Variants in RHOQ observed in about 807,000 individuals in gnomAD.
RHOQ encodes the protein ras homolog family member Q, also known as rho-related GTP-binding protein RhoQ.
RHOQ carries 7 observed loss-of-function variants against 25.8 expected under a neutral mutation model. That is an observed-to-expected ratio of 0.27 (90% CI 0.15 to 0.51). RHOQ has a LOEUF of 0.51. RHOQ is among the 20% of genes least tolerant of loss of function. The probability of loss-of-function intolerance (pLI) is 0.97; values close to 1 mark genes in which losing one functional copy is unlikely to be tolerated. For synonymous variants in RHOQ, 97 were observed against 98.6 expected (o/e 0.98, Z 0.10); for missense variants, 165 against 260.6 (o/e 0.63, Z 2.53).
At chr2:46,546,703 G>T (rs1002658894) in intron 2 of RHOQ, among the ~76,000 whole-genome samples, 1 of 151,316 alleles carries the variant, frequency 6.6e-6, no homozygotes, top group African/African-American at 2.4e-5. Context: ...AAGGTCATAG[G>T]CTGGCTTAAA....
chr2:46,560,657 C>T, intron 2 of RHOQ: 1 of 455,878 alleles, frequency 2.2e-6, no homozygotes, highest in East Asian at 7.0e-5. Flanking sequence ...TGTCCACTAG[C>T]TCCAGCATCC....
chr2:46,566,677 G>A lies in RHOQ; in HGVS notation c.202-9410G>A, dbSNP rs1306221925. The stretch of plus-strand genomic sequence containing the variant: ...TTCCATTGCAGGTGGGCCCTGCAGA[G>A]GGGTCCAAGCTGACTCCCTCTCCAG... On this transcript the variant is annotated intron_variant, in intron 2 of 4. Coordinates refer to ENST00000238738, the MANE Select transcript of RHOQ (RefSeq NM_012249.4). The surrounding 1 kb of genome is among the most constrained non-coding windows in gnomAD (Gnocchi z 4.2). 1.3e-5 allele frequency among the ~76,000 whole-genome samples: 2 copies of A among 152,126 alleles called. No individual in the cohort carries two copies. The highest frequency in any genetic ancestry group is 4.8e-5 in the African/African-American group (2 of 41,424).
At chr2:46,557,323 A>G (rs552821991) in intron 2 of RHOQ, among the ~76,000 whole-genome samples, 1 of 152,370 alleles carries the variant, frequency 6.6e-6, no homozygotes, top group African/African-American at 2.4e-5. Flanking sequence ...ATGCATAGTA[A>G]AAAGGGAGTT....
chr2:46,559,877 A>G (rs1175579672), intron 2 of RHOQ, among the ~76,000 whole-genome samples: 3 of 152,172 alleles, frequency 2.0e-5, no homozygotes, highest in Non-Finnish European at 4.4e-5. Flanking sequence ...GGCGAGTGAA[A>G]GAAGCAGAGT....
chr2:46,553,728 C>T (rs376282014), intron 2 of RHOQ, among the ~76,000 whole-genome samples: 57 of 148,080 alleles, frequency 3.8e-4, no homozygotes, highest in South Asian at 2.8e-3. Context: ...TACAGGTGCC[C>T]GCCACCATGC....
Position 46,542,591 on chromosome 2 carries a change from C to T in RHOQ, c.-456C>T, listed in dbSNP as rs1440467561. ...GCAGGCGGGGGCGCGTGGCGCGGGC[C>T]GCGCTCGGGGAGGCGCCTGGGCCCG... On this transcript the variant is annotated 5_prime_UTR_variant, in exon 1 of 5. Coordinates refer to ENST00000238738, the MANE Select transcript of RHOQ (RefSeq NM_012249.4). 1 of 146,778 alleles carries T rather than the reference C, an allele frequency of 6.8e-6. No homozygotes were observed. Among genetic ancestry groups the T allele is most frequent in the African/African-American group, 2.4e-5 (1 of 40,904 alleles). The allele number at this position is 146,778 out of a possible 1,614,324, so 9.1% of individuals were successfully genotyped here.
In RHOQ at chr2:46,543,007, G is replaced by C; in HGVS notation, c.-40G>C. 3 of 1,473,688 alleles carry C rather than the reference G, an allele frequency of 2.0e-6. No individual in the cohort carries two copies. Among genetic ancestry groups the C allele is most frequent in the Non-Finnish European group, 2.7e-6 (3 of 1,109,202 alleles). The allele number at this position is 1,473,688 out of a possible 1,614,324, so 91.3% of individuals were successfully genotyped here. On this transcript the variant is annotated 5_prime_UTR_variant, in exon 1 of 5. Transcript: ENST00000238738. ...GGCTGAGCCCGGGGCCGGGGCGGGG[G>C]CTCCGGGGGGACCATGCCCGGAGGC...
intron 2 of RHOQ, among the ~76,000 whole-genome samples, chr2:46,573,744 A>G (rs961478580): frequency 8.5e-5 from 13 of 152,380 alleles, no homozygotes; most frequent in Middle Eastern, 3.4e-3. Flanking sequence ...AAGAGCGCAC[A>G]CTTCTGTTTC....
chr2:46,567,416 CAG>C (rs1668769096), intron 2 of RHOQ, among the ~76,000 whole-genome samples: 2 of 150,150 alleles, frequency 1.3e-5, no homozygotes, highest in Middle Eastern at 6.8e-3. Context: ...TTCTTTGAGA[CAG>C]GGTGTCGTTC....
In RHOQ at chr2:46,556,773, G is replaced by T. The variant is rs1316686515; in HGVS notation, c.201+12961G>T. ...CATATAAATCATGAAATGTGAGTGA[G>T]GAGTGTTAGAAAGGTGCCCAACTAC... is the stretch of plus-strand genomic sequence containing the variant. On this transcript the variant is annotated intron_variant, in intron 2 of 4. Transcript: ENST00000238738. The surrounding 1 kb of genome is among the most constrained non-coding windows in gnomAD (Gnocchi z 4.9). Among the ~76,000 whole-genome samples, 1 of 152,142 alleles carries T rather than the reference G, an allele frequency of 6.6e-6. No individual in the cohort carries two copies. The highest frequency in any genetic ancestry group is 2.4e-5 in the African/African-American group (1 of 41,434).
Position 46,576,313 on chromosome 2 carries a change from T to C in RHOQ, c.366+62T>C. The C allele has an allele frequency of 7.2e-7, 1 of 1,389,358 alleles. No homozygotes were observed. The highest frequency in any genetic ancestry group is 1.0e-6 in the Non-Finnish European group (1 of 1,003,536). The allele number at this position is 1,389,358 out of a possible 1,614,324, so 86.1% of individuals were successfully genotyped here. A position where few individuals can be genotyped will look rare whatever the true frequency, so the allele number is the denominator to read the frequency against. ...CTCTTTGGTCTGTCGTAGAGGCTGC[T>C]CTCAGACAAACAGTCCCAAAGCTGA... On this transcript the variant is annotated intron_variant, in intron 3 of 4. Coordinates refer to ENST00000238738, the MANE Select transcript of RHOQ (RefSeq NM_012249.4). This position sits in a 1 kb window ranked among gnomAD's most constrained non-coding sequence, Gnocchi z 5.1.
intron 1 of RHOQ, 93 bp downstream of exon 1, chr2:46,543,281 G>T: frequency 2.8e-6 from 4 of 1,437,512 alleles, no homozygotes; most frequent in Non-Finnish European, 2.9e-6. Context: ...TCCCCAGAGC[G>T]CACTCCTCTC....
At position 46,559,804 on chromosome 2, in the gene RHOQ, G is replaced by A. The variant is rs1668516460; in HGVS notation, c.201+15992G>A. 7.2e-5 allele frequency among the ~76,000 whole-genome samples: 11 copies of A among 152,254 alleles called. No homozygotes were observed. In the South Asian group the frequency reaches 2.3e-3, roughly 32 times the overall value. On this transcript the variant is annotated intron_variant, in intron 2 of 4. Transcript: ENST00000238738. ...TTAGTAGGTATTGGTCTTCCCCCTTGGGCTAGTCATATAAACCAGGAAAGA... is the reference window on the plus strand; with the variant it reads ...TTAGTAGGTATTGGTCTTCCCCCTTAGGCTAGTCATATAAACCAGGAAAGA...
At position 46,576,900 on chromosome 2, in the gene RHOQ, G is replaced by A; in HGVS notation, c.462+244G>A. 2.9e-6 allele frequency: 1 copy of A among 341,864 alleles called. No homozygotes were observed. The allele number at this position is 341,864 out of a possible 1,614,324, so 21.2% of individuals were successfully genotyped here. On this transcript the variant is annotated intron_variant, in intron 4 of 4. Transcript: ENST00000238738. This position sits in a 1 kb window ranked among gnomAD's most constrained non-coding sequence, Gnocchi z 5.1. The stretch of plus-strand genomic sequence containing the variant: ...TGCAGGTAATAAATGGCAGAGTTGG[G>A]TTTCAGTCCAAAGCCTGACTCCTGG...
chr2:46,568,466 C>A (rs1339023813), intron 2 of RHOQ: 5 of 152,172 alleles, frequency 3.3e-5, no homozygotes, highest in African/African-American at 1.2e-4. Context: ...TGCTACTGGA[C>A]CACCTTGAAT....
At chr2:46,573,144 G>C (rs1379168884) in intron 2 of RHOQ, among the ~76,000 whole-genome samples, 2 of 150,890 alleles carry the variant, frequency 1.3e-5, no homozygotes, top group Non-Finnish European at 2.9e-5. Context: ...GCTCACTGCA[G>C]CCTCCACCTC....
At chr2:46,571,617 T>C (rs1297225736) in intron 2 of RHOQ, among the ~76,000 whole-genome samples, 1 of 152,234 alleles carries the variant, frequency 6.6e-6, no homozygotes, top group Non-Finnish European at 1.5e-5. Context: ...TTGCTCCAGC[T>C]TACACTTTTA....
chr2:46,554,578 A>G (rs904344209), intron 2 of RHOQ, among the ~76,000 whole-genome samples: 2 of 152,126 alleles, frequency 1.3e-5, no homozygotes, highest in Non-Finnish European at 2.9e-5. Context: ...AATTAGTTCC[A>G]AAGCATCAGA....
In RHOQ at chr2:46,556,294, C is replaced by T. The variant is rs183689592; in HGVS notation, c.201+12482C>T. On this transcript the variant is annotated intron_variant, in intron 2 of 4. Coordinates refer to ENST00000238738, the MANE Select transcript of RHOQ (RefSeq NM_012249.4). This position sits in a 1 kb window ranked among gnomAD's most constrained non-coding sequence, Gnocchi z 4.9. ...TCTCTTTCCATTTTATTCCTGCCCC[C>T]GCTCTTTTTCAGTTGTTCTTCCATG... Among the ~76,000 whole-genome samples the T allele has an allele frequency of 1.4e-4, 22 of 151,956 alleles. No individual in the cohort carries two copies. Among genetic ancestry groups the T allele is most frequent in the African/African-American group, 4.4e-4 (18 of 41,358 alleles).
Sources: gnomAD v4.1 joint callset for allele counts (sites outside exome capture counted in the v4.1 genomes callset) on GRCh38, gnomAD v4.1.1 for gene constraint, Gnocchi (gnomAD v3.1) non-coding constraint, MANE v1.5 for transcripts, NCBI Gene and HGNC (gene_info 2026-07-23, HGNC 2026-07-21) for gene names.